Variants in MAP2 observed in about 807,000 individuals in gnomAD.
The protein encoded by MAP2 is microtubule associated protein 2, also known as microtubule-associated protein 2.
In MAP2, 14 loss-of-function variants were observed where a neutral mutation model predicts 137.6. That is an observed-to-expected ratio of 0.10 (90% CI 0.07 to 0.16). The LOEUF (loss-of-function observed/expected upper bound fraction) is 0.16. Among genes scored for constraint, MAP2 ranks in the 10% least tolerant of loss-of-function variants. The pLI, the probability that MAP2 is intolerant of heterozygous loss-of-function variation, is 1.00. For synonymous variants in MAP2, 786 were observed against 782.3 expected, an observed-to-expected ratio of 1.00 and a Z score of -0.08; for missense variants, 2,088 against 2,191.5, an observed-to-expected ratio of 0.95 and a Z score of 0.94.
intron 5 of MAP2, among the ~76,000 whole-genome samples, chr2:209,677,439 C>CAGAT (rs200456883): frequency 6.9e-6 from 1 of 145,888 alleles, no homozygotes; most frequent in African/African-American, 2.7e-5. Flanking sequence ...GACAGACAGA[C>CAGAT]AGATAGATGT....
chr2:209,578,689 A>G (rs186945222), intron 2 of MAP2, among the ~76,000 whole-genome samples: 275 of 152,238 alleles, frequency 1.8e-3, no homozygotes, highest in African/African-American at 6.4e-3. Flanking sequence ...AAATAAATGC[A>G]GGAAATTATT....
Position 209,694,297 on chromosome 2 carries a change from A to G in MAP2, c.2127A>G (p.Leu709=). ...SMSINLPMSC[L]DSIALGFNFG... ...CAATCAATTTGCCGATGTCTTGCCT[A>G]GATTCCATAGCCCTTGGATTTAACT... is the stretch of plus-strand genomic sequence containing the variant. The change falls in exon 8 of 16, where the codon CTA becomes CTG. Residue 709 remains leucine (L), a synonymous_variant. Coordinates refer to ENST00000682079, the MANE Select transcript of MAP2 (RefSeq NM_001375505.1). 13 of 1,614,160 alleles carry G rather than the reference A, an allele frequency of 8.1e-6. 1 individual carries two copies. The highest frequency in any genetic ancestry group is 1.1e-5 in the Non-Finnish European group (13 of 1,180,016).
intron 1 of MAP2, among the ~76,000 whole-genome samples, chr2:209,504,500 G>A (rs2060794465): frequency 6.6e-6 from 1 of 152,104 alleles, no homozygotes; most frequent in Non-Finnish European, 1.5e-5. Context: ...CTGACTCCAG[G>A]CAACTAGTGA....
intron 2 of MAP2, among the ~76,000 whole-genome samples, chr2:209,523,781 T>A (rs867768869): frequency 6.6e-6 from 1 of 152,174 alleles, no homozygotes; most frequent in East Asian, 1.9e-4. Context: ...TCCAAATTTG[T>A]CTTTTATATA....
intron 2 of MAP2, among the ~76,000 whole-genome samples, chr2:209,543,239 T>G (rs1158023131): frequency 6.6e-6 from 1 of 152,196 alleles, no homozygotes; most frequent in East Asian, 1.9e-4. Context: ...ACATGCGACA[T>G]TTAGCCATTA....
At chr2:209,623,412 A>G (rs539650054) in intron 3 of MAP2, among the ~76,000 whole-genome samples, 1 of 152,320 alleles carries the variant, frequency 6.6e-6, no homozygotes, top group East Asian at 1.9e-4. Flanking sequence ...GTACTCACAC[A>G]CTTATCCATA....
intron 2 of MAP2, among the ~76,000 whole-genome samples, chr2:209,516,613 A>T (rs1386572645): frequency 6.6e-6 from 1 of 152,164 alleles, no homozygotes; most frequent in African/African-American, 2.4e-5. Context: ...AATTTTGGAA[A>T]TATGGGGTAA....
intron 5 of MAP2, among the ~76,000 whole-genome samples, chr2:209,659,651 A>G (rs527866706): frequency 6.6e-6 from 1 of 152,266 alleles, no homozygotes; most frequent in Admixed American, 6.5e-5. Context: ...ATGTTTATTG[A>G]TACTAAAACA....
intron 1 of MAP2, among the ~76,000 whole-genome samples, chr2:209,434,194 G>T (rs1695082790): frequency 6.6e-6 from 1 of 152,008 alleles, no homozygotes; most frequent in Admixed American, 6.6e-5. Context: ...TGGACTTAGT[G>T]TAATGCTCTG....
At chr2:209,569,862 A>G (rs929591523) in intron 2 of MAP2, among the ~76,000 whole-genome samples, 10 of 151,938 alleles carry the variant, frequency 6.6e-5, no homozygotes, top group African/African-American at 2.2e-4. Context: ...TGTACTTCTA[A>G]GATAGGAGTT....
intron 1 of MAP2, among the ~76,000 whole-genome samples, chr2:209,436,465 T>C (rs979901189): frequency 4.0e-5 from 6 of 151,652 alleles, no homozygotes; most frequent in African/African-American, 1.5e-4. Flanking sequence ...ATTTTATTAC[T>C]AAAAACAAGT....
intron 4 of MAP2, among the ~76,000 whole-genome samples, chr2:209,627,552 A>G (rs1242486571): frequency 6.6e-6 from 1 of 152,144 alleles, no homozygotes; most frequent in East Asian, 1.9e-4. Context: ...AGATCATATA[A>G]TGATTGCAGA....
At chr2:209,720,518 A>C (rs1301571836) in intron 13 of MAP2, among the ~76,000 whole-genome samples, 1 of 151,738 alleles carries the variant, frequency 6.6e-6, no homozygotes. Flanking sequence ...GGGCGCCTGT[A>C]GTCCCAGCTA....
chr2:209,559,171 T>TC (rs2071386728), intron 2 of MAP2, among the ~76,000 whole-genome samples: 1 of 151,966 alleles, frequency 6.6e-6, no homozygotes, highest in Non-Finnish European at 1.5e-5. Context: ...AGAAGACTTT[T>TC]CCCCCAACTC....
At position 209,696,728 on chromosome 2, in the gene MAP2, A is replaced by T; in HGVS notation, c.4367A>T (p.Asp1456Val). ...AAGGAACCTAGCACAGTCTCCAGAG[A>T]TGAAGTGAGAAGGAAAAAAGGTTCA... ...AKKEPSTVSR[D>V]EVRRKKAVYK... Residue 1456 changes from aspartate (D) to valine (V), a missense_variant, in exon 9 of 16, where the codon GAT becomes GTT. Asp to Val is a radical substitution (Grantham distance 152). Transcript: ENST00000682079. The T allele has an allele frequency of 6.2e-7, 1 of 1,607,092 alleles. No homozygotes were observed. The highest frequency in any genetic ancestry group is 8.5e-7 in the Non-Finnish European group (1 of 1,178,334).
intron 2 of MAP2, among the ~76,000 whole-genome samples, chr2:209,546,305 A>G (rs545441151): frequency 5.9e-5 from 9 of 152,346 alleles, no homozygotes; most frequent in Admixed American, 2.0e-4. Context: ...ACAGACATAT[A>G]TACAAATACC....
chr2:209,426,961 T>C (rs760113406), intron 1 of MAP2, among the ~76,000 whole-genome samples: 1 of 152,234 alleles, frequency 6.6e-6, no homozygotes, highest in Non-Finnish European at 1.5e-5. Context: ...ATATTTTGTA[T>C]TGAATTTTAC....
At chr2:209,437,481 C>G (rs1337926322) in intron 1 of MAP2, among the ~76,000 whole-genome samples, 1 of 151,580 alleles carries the variant, frequency 6.6e-6, no homozygotes, top group African/African-American at 2.4e-5. Context: ...TACATATTCT[C>G]ATGTGAAATT....
intron 5 of MAP2, among the ~76,000 whole-genome samples, chr2:209,658,089 G>T (rs772431088): frequency 2.6e-5 from 4 of 152,144 alleles, no homozygotes; most frequent in African/African-American, 4.8e-5. Context: ...TTAAGTTTCA[G>T]TTCCAGGGTT....
Sources: allele counts gnomAD v4.1 joint callset (sites outside exome capture counted in the v4.1 genomes callset), GRCh38; gene constraint gnomAD v4.1.1; transcripts MANE v1.5; gene names NCBI Gene and HGNC (gene_info 2026-07-23, HGNC 2026-07-21).